The following ARHGAP10 variants were observed in gnomAD, a reference collection of about 807,000 sequenced individuals.
ARHGAP10 encodes rho GTPase-activating protein 10.
ARHGAP10 carries 87 observed loss-of-function variants against 108.6 expected under a neutral mutation model. The observed-to-expected ratio is 0.80, with a 90% confidence interval of 0.67 to 0.96. The LOEUF (loss-of-function observed/expected upper bound fraction) is 0.96, where lower values mean the gene tolerates loss of function less well. Among genes scored for constraint, ARHGAP10 ranks in the 40% least tolerant of loss-of-function variants. The probability of loss-of-function intolerance (pLI) is 0.00; values close to 1 mark genes in which losing one functional copy is unlikely to be tolerated. For missense variants in ARHGAP10, 939 were observed against 954.5 expected (o/e 0.98, Z 0.21); for synonymous variants, 347 against 341.1 (o/e 1.02, Z -0.19).
intron 13 of ARHGAP10, among the ~76,000 whole-genome samples, chr4:147,920,339 C>G (rs1014556979): frequency 6.6e-6 from 1 of 151,774 alleles, no homozygotes; most frequent in East Asian, 1.9e-4. Flanking sequence ...ATGGTGTGAA[C>G]CCGGGAGGTG....
At chr4:147,839,859 A>G (rs906543745) in intron 3 of ARHGAP10, among the ~76,000 whole-genome samples, 6 of 152,230 alleles carry the variant, frequency 3.9e-5, no homozygotes, top group African/African-American at 1.4e-4. Flanking sequence ...TGTCTGACGA[A>G]AAAGGATTTC....
chr4:147,941,255 C>A (rs1416876895), intron 14 of ARHGAP10, among the ~76,000 whole-genome samples: 1 of 152,210 alleles, frequency 6.6e-6, no homozygotes, highest in Non-Finnish European at 1.5e-5. Context: ...TTATTATCAT[C>A]TTGTTCCTGT....
chr4:147,809,540 C>G (rs1386350072), intron 1 of ARHGAP10, among the ~76,000 whole-genome samples: 1 of 152,168 alleles, frequency 6.6e-6, no homozygotes, highest in African/African-American at 2.4e-5. Flanking sequence ...GAAACTAAAG[C>G]TCAGAAGCAT....
intron 3 of ARHGAP10, among the ~76,000 whole-genome samples, chr4:147,846,732 G>A (rs1408400725): frequency 3.3e-5 from 5 of 152,156 alleles, no homozygotes; most frequent in African/African-American, 1.2e-4. Context: ...AGTAGCTACA[G>A]TCCTAGTTCT....
intron 18 of ARHGAP10, among the ~76,000 whole-genome samples, chr4:148,012,573 T>G (rs1366841024): frequency 6.6e-6 from 1 of 152,240 alleles, no homozygotes; most frequent in East Asian, 1.9e-4. Flanking sequence ...AGCCCTTGTT[T>G]AGAAACATTT....
At chr4:147,760,176 A>G (rs980705643) in intron 1 of ARHGAP10, among the ~76,000 whole-genome samples, 5 of 151,722 alleles carry the variant, frequency 3.3e-5, no homozygotes, top group Non-Finnish European at 4.4e-5. Flanking sequence ...TCACTCTTCC[A>G]TTTTGGGAGG....
At chr4:147,932,038 AT>A (rs1737714520) in intron 13 of ARHGAP10, among the ~76,000 whole-genome samples, 6 of 152,208 alleles carry the variant, frequency 3.9e-5, no homozygotes, top group African/African-American at 1.2e-4. Context: ...CAAGACATAC[AT>A]GTGACCAACA....
intron 14 of ARHGAP10, among the ~76,000 whole-genome samples, chr4:147,943,886 T>C (rs1261077415): frequency 1.3e-5 from 2 of 152,214 alleles, no homozygotes; most frequent in Non-Finnish European, 2.9e-5. Flanking sequence ...ACATAGACAC[T>C]GTGTAGTCAT....
intron 5 of ARHGAP10, chr4:147,863,544 A>AG (rs1203946599): frequency 1.3e-5 from 2 of 152,194 alleles, no homozygotes; most frequent in Non-Finnish European, 2.9e-5. Flanking sequence ...TGCTATGAAC[A>AG]GGGGTGTACA....
Position 147,911,937 on chromosome 4 carries a change from G to GT in ARHGAP10, c.1163-1125dup, listed in dbSNP as rs11365271. ...CTTTTCTTAAAATTTTTCCTCCTAG[G>GT]TTTTTTTTTTTTAAAGGATTGTGTT... On this transcript the variant is annotated intron_variant, in intron 12 of 22. Transcript: ENST00000336498. Among the ~76,000 whole-genome samples the GT allele has an allele frequency of 6.0e-3, 855 of 142,804 alleles. 9 individuals carry two copies. The highest frequency in any genetic ancestry group is 0.021 in the African/African-American group (802 of 38,356). 93.7% of individuals were successfully genotyped at this position (142,804 alleles called of 152,430 possible). A position where few individuals can be genotyped will look rare whatever the true frequency, so the allele number is the denominator to read the frequency against.
At chr4:147,950,207 C>G (rs1738541584) in intron 15 of ARHGAP10, among the ~76,000 whole-genome samples, 1 of 152,056 alleles carries the variant, frequency 6.6e-6, no homozygotes, top group Admixed American at 6.6e-5. Context: ...GTTCTTTTCC[C>G]CTATGTTATT....
Position 148,051,303 on chromosome 4 carries a change from T to C in ARHGAP10, c.2027+4252T>C, listed in dbSNP as rs1262125435. Among the ~76,000 whole-genome samples the C allele has an allele frequency of 2.0e-5, 3 of 152,350 alleles. No individual in the cohort carries two copies. The East Asian group carries it at 5.8e-4, about 29-fold the overall frequency. On this transcript the variant is annotated intron_variant, in intron 20 of 22. Transcript: ENST00000336498. ...GCTAGCTCAGTCTCCTTGGAGGACATTGCATCATAGGTCAAGGTATTTCGA... is the reference window on the plus strand; with the variant it reads ...GCTAGCTCAGTCTCCTTGGAGGACACTGCATCATAGGTCAAGGTATTTCGA...
At chr4:148,064,343 G>A in intron 21 of ARHGAP10, 73 bp from the exon 22 acceptor site, 1 of 1,379,136 alleles carries the variant, frequency 7.3e-7, no homozygotes, top group Non-Finnish European at 1.0e-6. Flanking sequence ...TTGGGGAAGG[G>A]GGGTTGGGGG....
intron 1 of ARHGAP10, among the ~76,000 whole-genome samples, chr4:147,785,639 T>C (rs577892773): frequency 2.6e-5 from 4 of 152,144 alleles, no homozygotes; most frequent in Non-Finnish European, 5.9e-5. Context: ...ATGTCTGAGC[T>C]CTTTTTTCTT....
chr4:147,951,816 A>G (rs937937049), intron 15 of ARHGAP10, among the ~76,000 whole-genome samples: 1 of 152,114 alleles, frequency 6.6e-6, no homozygotes, highest in East Asian at 1.9e-4. Flanking sequence ...TAAGCTGCAT[A>G]TATTTATAGT....
intron 18 of ARHGAP10, among the ~76,000 whole-genome samples, chr4:147,976,165 A>C (rs1167679966): frequency 6.6e-6 from 1 of 152,164 alleles, no homozygotes; most frequent in Non-Finnish European, 1.5e-5. Context: ...TATCCAAACC[A>C]TTTTCCATCA....
At chr4:147,880,654 C>T (rs922053035) in intron 9 of ARHGAP10, among the ~76,000 whole-genome samples, 1 of 152,172 alleles carries the variant, frequency 6.6e-6, no homozygotes. Context: ...TGTGTACTCA[C>T]ACTTTATATA....
chr4:147,857,456 T>G (rs1453393193), intron 4 of ARHGAP10, 97 bp from the exon 5 acceptor site: 2 of 1,202,622 alleles, frequency 1.7e-6, no homozygotes, highest in Non-Finnish European at 2.2e-6. Context: ...GTGCTTTGTT[T>G]TATTTTCAGA....
rs181375240 is a variant in ARHGAP10 at position 147,783,922 on chromosome 4, G to A, written c.155-38805G>A. On this transcript the variant is annotated intron_variant, in intron 1 of 22. Transcript: ENST00000336498. Reference sequence around the variant, plus strand: ...ATATTTATATAACACACATTAAATTGTGTATTATATTTATATAACACACAT... The same window carrying A: ...ATATTTATATAACACACATTAAATTATGTATTATATTTATATAACACACAT... Among the ~76,000 whole-genome samples, 312 of 115,582 alleles carry A rather than the reference G, an allele frequency of 2.7e-3. 4 individuals are homozygous for A. The South Asian group carries it at 0.029, about 11-fold the overall frequency. The allele number at this position is 115,582 out of a possible 152,430, so 75.8% of individuals were successfully genotyped here.
Sources: allele counts gnomAD v4.1 joint callset (sites outside exome capture counted in the v4.1 genomes callset), GRCh38; gene constraint gnomAD v4.1.1; transcripts MANE v1.5; gene names NCBI Gene and HGNC (gene_info 2026-07-23, HGNC 2026-07-21).